The following MYO6 variants were observed in gnomAD, a reference collection of about 807,000 sequenced individuals.
MYO6 encodes the protein unconventional myosin-VI.
MYO6 carries 74 observed loss-of-function variants against 178.7 expected under a neutral mutation model. That is an observed-to-expected ratio of 0.41 (90% CI 0.34 to 0.50). The LOEUF (loss-of-function observed/expected upper bound fraction) is 0.50. Among genes scored for constraint, MYO6 ranks in the 20% least tolerant of loss-of-function variants. The probability of loss-of-function intolerance (pLI) is 0.09; values close to 1 mark genes in which losing one functional copy is unlikely to be tolerated. For missense variants in MYO6, 1,330 were observed against 1,547.4 expected, an observed-to-expected ratio of 0.86 and a Z score of 2.36; for synonymous variants, 477 against 504.6, an observed-to-expected ratio of 0.95 and a Z score of 0.73.
chr6:75,861,099 T>G lies in MYO6; in HGVS notation c.1546+4T>G, dbSNP rs1399539885. On this transcript the variant is annotated splice_donor_region_variant and intron_variant, in intron 15 of 34. Transcript: ENST00000369977. ...GTGGATAATCAGGACTGTATAGGTATGTGTTTTTTAACTCCACCTTTGAAA... is the reference window on the plus strand; with the variant it reads ...GTGGATAATCAGGACTGTATAGGTAGGTGTTTTTTAACTCCACCTTTGAAA... 5 of 1,572,874 alleles carry G rather than the reference T, an allele frequency of 3.2e-6. No homozygotes were observed. The highest frequency in any genetic ancestry group is 3.5e-5 in the Admixed American group (2 of 56,974).
chr6:75,816,650 G>A (rs183652041), intron 1 of MYO6, among the ~76,000 whole-genome samples: 357 of 152,294 alleles, frequency 2.3e-3, no homozygotes, highest in Non-Finnish European at 4.3e-3. Flanking sequence ...GAGTAGTTCC[G>A]TGAGGATGAG....
intron 15 of MYO6, 82 bp downstream of exon 15, chr6:75,861,177 T>A (rs1776185255): frequency 9.3e-7 from 1 of 1,072,136 alleles, no homozygotes; most frequent in Non-Finnish European, 1.4e-6. Flanking sequence ...GCTTTTTAAT[T>A]GACATTACTT....
At chr6:75,867,856 T>G (rs1460217344) in intron 18 of MYO6, among the ~76,000 whole-genome samples, 1 of 152,152 alleles carries the variant, frequency 6.6e-6, no homozygotes, top group Non-Finnish European at 1.5e-5. Flanking sequence ...TTGGTTCTAG[T>G]TATTGAGGAG....
At chr6:75,861,559 G>A (rs577507672) in intron 15 of MYO6, among the ~76,000 whole-genome samples, 36 of 152,298 alleles carry the variant, frequency 2.4e-4, no homozygotes, top group African/African-American at 8.4e-4. Context: ...ATAACACTGC[G>A]CAGCAAGAGA....
chr6:75,835,640 C>T (rs540034347), intron 6 of MYO6, among the ~76,000 whole-genome samples: 1 of 152,214 alleles, frequency 6.6e-6, no homozygotes, highest in African/African-American at 2.4e-5. Context: ...CCATGTTGGC[C>T]AGGCTGGTCT....
Position 75,917,381 on chromosome 6 carries a change from G to A in MYO6, c.*2369G>A, listed in dbSNP as rs1781175121. The A allele has an allele frequency of 1.3e-5, 2 of 152,776 alleles. No homozygotes were observed. Among genetic ancestry groups the A allele is most frequent in the Admixed American group, 1.3e-4 (2 of 15,302 alleles). The allele number at this position is 152,776 out of a possible 1,614,324, so 9.5% of individuals were successfully genotyped here. On this transcript the variant is annotated 3_prime_UTR_variant, in exon 35 of 35. Transcript: ENST00000369977. ...ATAAAATATTTAAAATGAGAGGACA[G>A]AATGTTTTCACATTTGATTCAATTT...
chr6:75,886,190 A>T (rs1001321723), intron 24 of MYO6, 96 bp downstream of exon 24: 2 of 770,968 alleles, frequency 2.6e-6, no homozygotes, highest in African/African-American at 3.5e-5. Flanking sequence ...TTGGATACTC[A>T]GGTTTTCTCA....
At chr6:75,876,852 T>C (rs571685962) in intron 20 of MYO6, among the ~76,000 whole-genome samples, 1 of 152,316 alleles carries the variant, frequency 6.6e-6, no homozygotes, top group Non-Finnish European at 1.5e-5. Context: ...AATCCATAAG[T>C]TGTAGAAATA....
At chr6:75,859,722 C>T (rs557207794) in intron 14 of MYO6, among the ~76,000 whole-genome samples, 6 of 135,910 alleles carry the variant, frequency 4.4e-5, no homozygotes, top group Admixed American at 2.2e-4. Flanking sequence ...TGCAGTGGCG[C>T]GATCTCGGCT....
chr6:75,780,741 T>C (rs752184218), intron 1 of MYO6, among the ~76,000 whole-genome samples: 1 of 152,166 alleles, frequency 6.6e-6, no homozygotes, highest in Non-Finnish European at 1.5e-5. Context: ...CTATGTTAGA[T>C]ACTGGCTGCT....
intron 1 of MYO6, among the ~76,000 whole-genome samples, chr6:75,759,854 A>C (rs551561629): frequency 6.6e-6 from 1 of 152,340 alleles, no homozygotes; most frequent in African/African-American, 2.4e-5. Flanking sequence ...ATAACCCAAC[A>C]AGAAACATAA....
At chr6:75,789,592 G>A (rs545294218) in intron 1 of MYO6, among the ~76,000 whole-genome samples, 31 of 151,358 alleles carry the variant, frequency 2.0e-4, no homozygotes, top group African/African-American at 7.3e-4. Context: ...CTGCCGCTTC[G>A]GAGAATATAA....
chr6:75,886,220 T>C, intron 24 of MYO6, 126 bp downstream of exon 24: 3 of 653,470 alleles, frequency 4.6e-6, no homozygotes, highest in Non-Finnish European at 8.2e-6. Flanking sequence ...TAAAATGATG[T>C]ATTAGTCTTT....
intron 34 of MYO6, among the ~76,000 whole-genome samples, chr6:75,914,514 C>A (rs1029520773): frequency 1.3e-5 from 2 of 152,044 alleles, no homozygotes; most frequent in Non-Finnish European, 2.9e-5. Flanking sequence ...TCCTAAAAAC[C>A]TTTCCATTTG....
chr6:75,914,799 T>C lies in MYO6; in HGVS notation c.3659-14T>C, dbSNP rs1781025196. The C allele has an allele frequency of 6.2e-7, 1 of 1,613,224 alleles. No homozygotes were observed. The highest frequency in any genetic ancestry group is 8.5e-7 in the Non-Finnish European group (1 of 1,179,294). ...AGAGAGAGATGGTAATTTTCTGATA[T>C]CTCATGAATACAGGTAAGGACGACA... On this transcript the variant is annotated splice_polypyrimidine_tract_variant and intron_variant, in intron 34 of 34. Transcript: ENST00000369977.
At chr6:75,785,529 T>A (rs1252580681) in intron 1 of MYO6, among the ~76,000 whole-genome samples, 1 of 150,686 alleles carries the variant, frequency 6.6e-6, no homozygotes, top group Non-Finnish European at 1.5e-5. Context: ...CAGACTGCAG[T>A]GGCTATTCAC....
intron 30 of MYO6, among the ~76,000 whole-genome samples, chr6:75,900,883 T>A (rs1296815912): frequency 6.7e-6 from 1 of 150,228 alleles, no homozygotes; most frequent in African/African-American, 2.5e-5. Context: ...CGTTTAAGTC[T>A]TTAATCCATC....
intron 31 of MYO6, 30 bp downstream of exon 31, chr6:75,907,738 A>G (rs1418875052): frequency 6.5e-7 from 1 of 1,547,792 alleles, no homozygotes; most frequent in Admixed American, 1.7e-5. Flanking sequence ...CAAAAATAGA[A>G]AATGTTCATA....
intron 3 of MYO6, among the ~76,000 whole-genome samples, chr6:75,827,405 A>T (rs1772591015): frequency 6.6e-5 from 10 of 152,208 alleles, no homozygotes; most frequent in Admixed American, 6.5e-4. Flanking sequence ...GTTAGTATTA[A>T]GGTGAATTGT....
Sources: gnomAD v4.1 joint callset for allele counts (sites outside exome capture counted in the v4.1 genomes callset) on GRCh38, gnomAD v4.1.1 for gene constraint, MANE v1.5 for transcripts, NCBI Gene and HGNC (gene_info 2026-07-23, HGNC 2026-07-21) for gene names.